Variants in TEN1 observed in about 807,000 individuals in gnomAD.
TEN1 encodes CST complex subunit TEN1.
Under a neutral mutation model 9.3 loss-of-function variants are expected in TEN1, and 6 were observed. The observed-to-expected ratio is 0.65, with a 90% CI of 0.35 to 1.27. TEN1 has a LOEUF of 1.27. Ranked by LOEUF, TEN1 falls within the 50% of genes most tolerant of loss-of-function variation. The pLI, the probability that TEN1 is intolerant of heterozygous loss-of-function variation, is 0.03. For synonymous variants in TEN1, 65 were observed against 65.6 expected (o/e 0.99, Z 0.04); for missense variants, 149 against 158.2 (o/e 0.94, Z 0.31).
At chr17:75,986,076 T>A in intron 1 of TEN1, 111 bp from the exon 2 acceptor site, 1 of 846,420 alleles carries the variant, frequency 1.2e-6, no homozygotes, top group East Asian at 2.9e-5. Flanking sequence ...CACTGCCTAC[T>A]GGAATTAGTC....
intron 3 of TEN1, among the ~76,000 whole-genome samples, chr17:75,993,350 G>T (rs1243318669): frequency 6.6e-6 from 1 of 151,946 alleles, no homozygotes; most frequent in Non-Finnish European, 1.5e-5. Context: ...TGATCTGCCC[G>T]CCTCGGCCTC....
intron 3 of TEN1, among the ~76,000 whole-genome samples, chr17:75,994,939 A>G (rs986575415): frequency 1.3e-5 from 2 of 152,226 alleles, no homozygotes; most frequent in African/African-American, 4.8e-5. Context: ...CTCCCTGTGA[A>G]AACCAAGTGT....
At chr17:75,999,543 A>G (rs531661631) in intron 3 of TEN1, among the ~76,000 whole-genome samples, 2 of 151,926 alleles carry the variant, frequency 1.3e-5, no homozygotes, top group Non-Finnish European at 2.9e-5. Context: ...GGGTTTCATC[A>G]TGTTGGCCAG....
At chr17:75,994,700 GCT>G (rs1396470832) in intron 3 of TEN1, among the ~76,000 whole-genome samples, 1 of 151,942 alleles carries the variant, frequency 6.6e-6, no homozygotes, top group Non-Finnish European at 1.5e-5. Flanking sequence ...CTGGTCTTGA[GCT>G]CCTGACCTCA....
intron 3 of TEN1, among the ~76,000 whole-genome samples, chr17:75,997,605 A>T (rs2066225396): frequency 6.6e-6 from 1 of 152,140 alleles, no homozygotes; most frequent in Non-Finnish European, 1.5e-5. Flanking sequence ...GGGTTACCAC[A>T]GTTCTTCCCT....
intron 1 of TEN1, among the ~76,000 whole-genome samples, chr17:75,985,236 C>A (rs1598211000): frequency 6.6e-6 from 1 of 152,178 alleles, no homozygotes; most frequent in Admixed American, 6.6e-5. Flanking sequence ...CAGCTTCAAC[C>A]TCCTGTGGTG....
chr17:75,985,485 A>G (rs2066146096), intron 1 of TEN1, among the ~76,000 whole-genome samples: 1 of 151,750 alleles, frequency 6.6e-6, no homozygotes. Flanking sequence ...AAGTCTCACT[A>G]TGTTGTCAAG....
Position 76,000,497 on chromosome 17 carries a change from A to AGCTTGGGTGCCGGGGCCGT in TEN1, c.*242_*243insTGCCGGGGCCGTGCTTGGG. On this transcript the variant is annotated 3_prime_UTR_variant, in exon 4 of 4. Coordinates refer to ENST00000397640, the MANE Select transcript of TEN1 (RefSeq NM_001113324.3). This position sits in a 1 kb window ranked among gnomAD's most constrained non-coding sequence, Gnocchi z 5.9. ...CACCCCAGGAGACTGCAGGTGGCCG[A>AGCTTGGGTGCCGGGGCCGT]GCTTGGGCGCCGGGGCCGTGCTTGG... 1.7e-6 allele frequency: 1 copy of AGCTTGGGTGCCGGGGCCGT among 586,268 alleles called. No individual in the cohort carries two copies. Among genetic ancestry groups the AGCTTGGGTGCCGGGGCCGT allele is most frequent in the Non-Finnish European group, 2.8e-6 (1 of 359,394 alleles). 36.3% of individuals were successfully genotyped at this position (586,268 alleles called of 1,614,324 possible).
intron 2 of TEN1, 85 bp from the exon 3 acceptor site, chr17:75,991,381 T>C (rs551097041): frequency 5.7e-6 from 8 of 1,401,602 alleles, no homozygotes; most frequent in East Asian, 5.0e-5. Flanking sequence ...CACTTTTCTA[T>C]AGATTTCTTG....
intron 1 of TEN1, among the ~76,000 whole-genome samples, chr17:75,981,597 T>G (rs2066120189): frequency 2.2e-5 from 2 of 91,334 alleles, no homozygotes; most frequent in Non-Finnish European, 4.2e-5. Flanking sequence ...AAGCAAGTTG[T>G]TTTTTTTTTT....
intron 2 of TEN1, 111 bp from the exon 3 acceptor site, chr17:75,991,355 T>A (rs2144355128): frequency 8.6e-7 from 1 of 1,160,114 alleles, no homozygotes; most frequent in South Asian, 1.4e-5. Context: ...ATTTCTGTGA[T>A]GAGACTGAGG....
intron 3 of TEN1, among the ~76,000 whole-genome samples, chr17:75,998,170 T>C (rs35539813): frequency 0.13 from 16,203 of 127,748 alleles, 1,776 homozygotes; most frequent in African/African-American, 0.38. Context: ...TTTTTTTTCC[T>C]TTTTTTTTTT....
Position 76,000,508 on chromosome 17 carries a change from C to G in TEN1, c.*246C>G, listed in dbSNP as rs1009470714. The stretch of plus-strand genomic sequence containing the variant: ...ACTGCAGGTGGCCGAGCTTGGGCGC[C>G]GGGGCCGTGCTTGGTGTGGGGCCAT... On this transcript the variant is annotated 3_prime_UTR_variant, in exon 4 of 4. Transcript: ENST00000397640. The surrounding 1 kb of genome is among the most constrained non-coding windows in gnomAD (Gnocchi z 5.9). 1 of 543,062 alleles carries G rather than the reference C, an allele frequency of 1.8e-6. No individual in the cohort carries two copies. Among genetic ancestry groups the G allele is most frequent in the African/African-American group, 1.9e-5 (1 of 52,174 alleles). 33.6% of individuals were successfully genotyped at this position (543,062 alleles called of 1,614,324 possible).
intron 3 of TEN1, among the ~76,000 whole-genome samples, chr17:75,994,033 A>G (rs1207600878): frequency 6.6e-6 from 1 of 151,876 alleles, no homozygotes; most frequent in African/African-American, 2.4e-5. Flanking sequence ...AAAAAATTGA[A>G]CCTGAAGCTA....
intron 1 of TEN1, among the ~76,000 whole-genome samples, chr17:75,981,007 T>C (rs2066114995): frequency 6.6e-6 from 1 of 152,138 alleles, no homozygotes; most frequent in African/African-American, 2.4e-5. Context: ...GACCTTCTAG[T>C]TCTAATATTC....
Position 76,000,055 on chromosome 17 carries a change from G to A in TEN1, c.251-86G>A. 4 of 1,504,978 alleles carry A rather than the reference G, an allele frequency of 2.7e-6. No individual in the cohort carries two copies. In the South Asian group the frequency reaches 5.2e-5, roughly 19 times the overall value. The allele number at this position is 1,504,978 out of a possible 1,614,324, so 93.2% of individuals were successfully genotyped here. ...TGCTGCCAAAACCCAGGACTGAGCT[G>A]TGGAGGGAACAGCTGGAATGCACCT... On this transcript the variant is annotated intron_variant, in intron 3 of 3. Transcript: ENST00000397640. This position sits in a 1 kb window ranked among gnomAD's most constrained non-coding sequence, Gnocchi z 5.9.
chr17:75,989,067 G>A (rs946304936), intron 2 of TEN1, among the ~76,000 whole-genome samples: 3 of 151,398 alleles, frequency 2.0e-5, no homozygotes, highest in African/African-American at 7.3e-5. Context: ...CACCACGCCC[G>A]GCCTACTTAG....
intron 2 of TEN1, among the ~76,000 whole-genome samples, chr17:75,989,277 T>C (rs1272354932): frequency 6.6e-6 from 1 of 150,744 alleles, no homozygotes; most frequent in Non-Finnish European, 1.5e-5. Context: ...TTTTTTTTTT[T>C]GTTTTTTTTT....
rs2066172036 is a variant in TEN1, at chr17:75,989,412, T to G, written c.93-2054T>G. Among the ~76,000 whole-genome samples, 2 of 149,996 alleles carry G rather than the reference T, an allele frequency of 1.3e-5. 1 individual carries two copies. The highest frequency in any genetic ancestry group is 4.2e-4 in the South Asian group (2 of 4,762). ...CAGATGTGAGCCACCGCACCTGGCC[T>G]TTTTTGTTTTTTTAAATTGAGATGG... On this transcript the variant is annotated intron_variant, in intron 2 of 3. Transcript: ENST00000397640.
Sources: allele counts gnomAD v4.1 joint callset (sites outside exome capture counted in the v4.1 genomes callset), GRCh38; gene constraint gnomAD v4.1.1; non-coding constraint Gnocchi (gnomAD v3.1); transcripts MANE v1.5; gene names NCBI Gene and HGNC (gene_info 2026-07-23, HGNC 2026-07-21).